Variants in CIDEA observed in about 807,000 individuals in gnomAD.
CIDEA encodes the protein cell death inducing DFFA like effector a, also known as lipid transferase CIDEA.
CIDEA carries 10 observed loss-of-function variants against 18.2 expected under a neutral mutation model. That is an observed-to-expected ratio of 0.55 (90% CI 0.34 to 0.93). CIDEA has a LOEUF of 0.93. Among genes scored for constraint, CIDEA ranks in the 40% least tolerant of loss-of-function variants. The pLI is 0.02. For missense variants in CIDEA, 309 were observed against 293.1 expected, an observed-to-expected ratio of 1.05 and a Z score of -0.40; for synonymous variants, 128 against 124.8, an observed-to-expected ratio of 1.03 and a Z score of -0.17.
intron 3 of CIDEA, among the ~76,000 whole-genome samples, chr18:12,265,757 G>A (rs962693810): frequency 7.9e-5 from 12 of 152,142 alleles, no homozygotes; most frequent in Non-Finnish European, 1.3e-4. Flanking sequence ...GCCTCAAAGA[G>A]TTTTCATTCG....
chr18:12,261,404 G>A (rs1640695937), intron 1 of CIDEA, among the ~76,000 whole-genome samples: 1 of 152,130 alleles, frequency 6.6e-6, no homozygotes, highest in Non-Finnish European at 1.5e-5. Flanking sequence ...GCGGTCCTGG[G>A]TGAAAACTCT....
intron 4 of CIDEA, among the ~76,000 whole-genome samples, chr18:12,275,381 G>A (rs1036705941): frequency 2.0e-5 from 3 of 152,132 alleles, no homozygotes; most frequent in Non-Finnish European, 4.4e-5. Context: ...TAAATAAAAT[G>A]AAAAGGTTGC....
intron 3 of CIDEA, among the ~76,000 whole-genome samples, chr18:12,266,730 A>AT (rs1317481338): frequency 1.3e-5 from 2 of 151,058 alleles, no homozygotes; most frequent in South Asian, 2.1e-4. Context: ...GTAGGGAAGG[A>AT]TTTTTTTAAA....
At chr18:12,254,573 C>CT (rs1261932570) in intron 1 of CIDEA, 152 bp downstream of exon 1, 2 of 1,526,906 alleles carry the variant, frequency 1.3e-6, no homozygotes, top group African/African-American at 2.7e-5. Flanking sequence ...CCCGCGCACA[C>CT]ACCCATCCGC....
At chr18:12,267,157 G>A (rs12961839) in intron 3 of CIDEA, among the ~76,000 whole-genome samples, 18,582 of 152,220 alleles carry the variant, frequency 0.12, 1,466 homozygotes, top group Non-Finnish European at 0.17. Flanking sequence ...GTGAGGCACA[G>A]ACTATGACCC....
chr18:12,271,590 ACACT>A (rs1463970914), intron 3 of CIDEA, among the ~76,000 whole-genome samples: 3 of 152,164 alleles, frequency 2.0e-5, no homozygotes, highest in Non-Finnish European at 2.9e-5. Flanking sequence ...TCTAAAGGAG[ACACT>A]CAGCTAACAG....
At chr18:12,264,024 C>T (rs958405594) in intron 2 of CIDEA, among the ~76,000 whole-genome samples, 16 of 152,240 alleles carry the variant, frequency 1.1e-4, no homozygotes, top group Admixed American at 4.6e-4. Flanking sequence ...ATTGCTTGAG[C>T]CCAGGAGTCT....
intron 4 of CIDEA, among the ~76,000 whole-genome samples, chr18:12,275,312 C>T (rs931767742): frequency 6.6e-6 from 1 of 152,134 alleles, no homozygotes; most frequent in Non-Finnish European, 1.5e-5. Context: ...CACTGCACTC[C>T]AGACTGGGTG....
chr18:12,270,598 T>C (rs1912484707), intron 3 of CIDEA, among the ~76,000 whole-genome samples: 1 of 146,778 alleles, frequency 6.8e-6, no homozygotes, highest in Non-Finnish European at 1.5e-5. Context: ...TTGAGGCAGA[T>C]AATTGTTCGA....
At chr18:12,255,449 C>T (rs1169662846) in intron 1 of CIDEA, among the ~76,000 whole-genome samples, 1 of 152,150 alleles carries the variant, frequency 6.6e-6, no homozygotes, top group African/African-American at 2.4e-5. Flanking sequence ...GCATCTTTCT[C>T]TTTAAAAATA....
chr18:12,263,034 GT>G, intron 2 of CIDEA, 65 bp downstream of exon 2: 1 of 1,543,736 alleles, frequency 6.5e-7, no homozygotes, highest in Non-Finnish European at 8.8e-7. Context: ...CAGGGCCATG[GT>G]CTTGGGCTCT....
At chr18:12,261,432 C>T (rs1912187810) in intron 1 of CIDEA, among the ~76,000 whole-genome samples, 1 of 152,186 alleles carries the variant, frequency 6.6e-6, no homozygotes, top group Non-Finnish European at 1.5e-5. Flanking sequence ...GCTCTACTGG[C>T]CCCCCTTCTA....
chr18:12,267,246 G>A (rs1009515916), intron 3 of CIDEA, among the ~76,000 whole-genome samples: 175 of 152,316 alleles, frequency 1.1e-3, no homozygotes, highest in African/African-American at 4.0e-3. Flanking sequence ...GTCCATGGCA[G>A]CAATGCCCTA....
chr18:12,254,462 T>G (rs530292553), intron 1 of CIDEA, 41 bp downstream of exon 1: 2 of 1,591,340 alleles, frequency 1.3e-6, no homozygotes, highest in Non-Finnish European at 1.7e-6. Context: ...GCGCTTCCAA[T>G]CGCCTTGCGT....
At chr18:12,273,534 A>G (rs1476118733) in intron 3 of CIDEA, among the ~76,000 whole-genome samples, 1 of 152,122 alleles carries the variant, frequency 6.6e-6, no homozygotes, top group South Asian at 2.1e-4. Context: ...GTTCTGCTGC[A>G]TGGCTTTGGG....
At chr18:12,265,158 A>C (rs141323940) in intron 3 of CIDEA, among the ~76,000 whole-genome samples, 3 of 152,366 alleles carry the variant, frequency 2.0e-5, no homozygotes, top group African/African-American at 7.2e-5. Context: ...GATTTAGAAA[A>C]GTAAAGAGAC....
chr18:12,269,491 C>T (rs1912452058), intron 3 of CIDEA, among the ~76,000 whole-genome samples: 1 of 152,148 alleles, frequency 6.6e-6, no homozygotes, highest in Non-Finnish European at 1.5e-5. Context: ...GTGAAGTTGG[C>T]CTCCTCTGTT....
At chr18:12,266,214 G>C (rs891264755) in intron 3 of CIDEA, among the ~76,000 whole-genome samples, 26 of 152,030 alleles carry the variant, frequency 1.7e-4, no homozygotes, top group African/African-American at 5.8e-4. Context: ...CTGAGTGACA[G>C]AGCAAGACCC....
intron 4 of CIDEA, 50 bp downstream of exon 4, chr18:12,274,324 G>A (rs1470776130): frequency 1.3e-6 from 2 of 1,580,456 alleles, no homozygotes; most frequent in East Asian, 2.2e-5. Context: ...TGCACAGGGT[G>A]TGGCACAGGC....
Sources: allele counts gnomAD v4.1 joint callset (sites outside exome capture counted in the v4.1 genomes callset), GRCh38; gene constraint gnomAD v4.1.1; transcripts MANE v1.5; gene names NCBI Gene and HGNC (gene_info 2026-07-23, HGNC 2026-07-21).